RBFOX1: variants seen among roughly 807,000 people sequenced by gnomAD.
RBFOX1 encodes the protein RNA binding fox-1 homolog 1.
RBFOX1 carries 8 observed loss-of-function variants against 57.7 expected under a neutral mutation model. That is an observed-to-expected ratio of 0.14 (90% CI 0.08 to 0.25). RBFOX1 has a LOEUF of 0.25. Ranked by LOEUF, RBFOX1 falls within the 10% of genes least tolerant of loss-of-function variation. The pLI, the probability that RBFOX1 is intolerant of heterozygous loss-of-function variation, is 1.00. For missense variants in RBFOX1, 611 were observed against 548.5 expected (o/e 1.11, Z -1.14); for synonymous variants, 326 against 222.4 (o/e 1.47, Z -4.15).
chr16:7,279,877 A>C (rs149814317), intron 4 of RBFOX1, among the ~76,000 whole-genome samples: 98 of 152,328 alleles, frequency 6.4e-4, no homozygotes, highest in African/African-American at 2.3e-3. Context: ...TGAAGGCTGA[A>C]AGGGAAATTG....
chr16:6,027,154 T>G (rs1218094359), intron 1 of RBFOX1, among the ~76,000 whole-genome samples: 2 of 152,194 alleles, frequency 1.3e-5, no homozygotes, highest in East Asian at 3.9e-4. Context: ...TTGTCTTCTT[T>G]GTACCATGGT....
intron 2 of RBFOX1, among the ~76,000 whole-genome samples, chr16:5,553,247 C>A (rs9921211): frequency 0.38 from 57,148 of 151,624 alleles, 11,472 homozygotes; most frequent in East Asian, 0.73. Flanking sequence ...AAACCTGCAC[C>A]TTGTACACAT....
intron 1 of RBFOX1, among the ~76,000 whole-genome samples, chr16:5,370,621 C>A (rs574787014): frequency 2.0e-5 from 3 of 151,512 alleles, no homozygotes; most frequent in African/African-American, 7.3e-5. Flanking sequence ...GCCTCCTAAG[C>A]AGCTGAGGCC....
intron 3 of RBFOX1, among the ~76,000 whole-genome samples, chr16:5,706,229 T>C (rs1238117610): frequency 2.0e-5 from 3 of 152,184 alleles, no homozygotes; most frequent in African/African-American, 2.4e-5. Flanking sequence ...TTTTTTCCTA[T>C]GATTTTTGTC....
At chr16:7,398,929 A>G (rs906573526) in intron 4 of RBFOX1, among the ~76,000 whole-genome samples, 1 of 152,210 alleles carries the variant, frequency 6.6e-6, no homozygotes, top group African/African-American at 2.4e-5. Flanking sequence ...TGGTAGCTTT[A>G]TAACAATAGA....
Position 6,019,039 on chromosome 16 carries a change from C to T in RBFOX1, c.-1080C>T, listed in dbSNP as rs1031535782. On this transcript the variant is annotated 5_prime_UTR_variant, in exon 1 of 16. Transcript: ENST00000550418. The surrounding 1 kb of genome is among the most constrained non-coding windows in gnomAD (Gnocchi z 4.2). ...CTCGCGCACCAGATTATTTTTGGCT[C>T]CGCAGCCGGGGCTGCTCGCTGCTTG... 12 of 954,464 alleles carry T rather than the reference C, an allele frequency of 1.3e-5. No individual in the cohort carries two copies. Among genetic ancestry groups the T allele is most frequent in the African/African-American group, 1.1e-4 (6 of 56,272 alleles). 59.1% of individuals were successfully genotyped at this position (954,464 alleles called of 1,614,324 possible). A position where few individuals can be genotyped will look rare whatever the true frequency, so the allele number is the denominator to read the frequency against.
intron 4 of RBFOX1, among the ~76,000 whole-genome samples, chr16:7,281,769 C>T (rs1397573527): frequency 2.6e-5 from 4 of 152,100 alleles, no homozygotes; most frequent in African/African-American, 9.7e-5. Context: ...GAGTTTGAAT[C>T]CAGGAGACAA....
intron 3 of RBFOX1, among the ~76,000 whole-genome samples, chr16:6,955,555 C>T (rs1054890588): frequency 1.4e-4 from 21 of 152,136 alleles, no homozygotes; most frequent in African/African-American, 5.1e-4. Flanking sequence ...TTACTCTTCT[C>T]TGTGAACATC....
In RBFOX1 at chr16:5,746,667, T is replaced by C. The variant is rs186194915; in HGVS notation, c.319-120636T>C. Among the ~76,000 whole-genome samples, 111 of 152,304 alleles carry C rather than the reference T, an allele frequency of 7.3e-4. 1 individual carries two copies. The highest frequency in any genetic ancestry group is 2.5e-3 in the African/African-American group (102 of 41,578). On this transcript the variant is annotated intron_variant, in intron 3 of 19. Coordinates refer to the RBFOX1 transcript ENST00000641259. The stretch of plus-strand genomic sequence containing the variant: ...AGAGGTCCTTCACATCCCTTGTAAG[T>C]TGGATTCCTAGATATTTTATTCTCT...
chr16:7,398,894 C>A (rs561497310), intron 4 of RBFOX1, among the ~76,000 whole-genome samples: 6 of 152,274 alleles, frequency 3.9e-5, no homozygotes, highest in African/African-American at 9.6e-5. Flanking sequence ...ATTCATACGG[C>A]TACTGTAACA....
chr16:6,005,166 A>C lies in RBFOX1; in HGVS notation c.351+137831A>C, dbSNP rs186265059. ...GTAATAGATTTGCTGAGAAAGTCAC[A>C]TGACTTCAAATGCGGAAGTTTATAT... On this transcript the variant is annotated intron_variant, in intron 4 of 19. Coordinates refer to the RBFOX1 transcript ENST00000641259. 2.8e-4 allele frequency among the ~76,000 whole-genome samples: 43 copies of C among 152,348 alleles called. 1 individual carries two copies. In the East Asian group the frequency reaches 6.0e-3, roughly 21 times the overall value.
intron 3 of RBFOX1, among the ~76,000 whole-genome samples, chr16:6,730,753 G>C (rs184672390): frequency 6.6e-6 from 1 of 152,192 alleles, no homozygotes; most frequent in Non-Finnish European, 1.5e-5. Flanking sequence ...CGATTATTTA[G>C]TGGGTTAGGA....
intron 6 of RBFOX1, among the ~76,000 whole-genome samples, chr16:7,584,087 A>G (rs6500989): frequency 0.85 from 128,976 of 152,178 alleles, 55,462 homozygotes; most frequent in Middle Eastern, 0.94. Flanking sequence ...CATTCTGAAC[A>G]GGAAGCTGAC....
At chr16:7,168,786 C>A (rs1029419569) in intron 4 of RBFOX1, among the ~76,000 whole-genome samples, 1 of 152,138 alleles carries the variant, frequency 6.6e-6, no homozygotes, top group South Asian at 2.1e-4. Flanking sequence ...CCAAATACAA[C>A]AATTTTGCCA....
chr16:6,333,874 T>C (rs1284193706), intron 2 of RBFOX1, among the ~76,000 whole-genome samples: 1 of 152,188 alleles, frequency 6.6e-6, no homozygotes, highest in Non-Finnish European at 1.5e-5. Flanking sequence ...TACTGTCTCA[T>C]TAGTTGAAGA....
At chr16:6,988,121 C>A (rs1449168997) in intron 3 of RBFOX1, among the ~76,000 whole-genome samples, 2 of 152,208 alleles carry the variant, frequency 1.3e-5, no homozygotes, top group South Asian at 4.2e-4. Flanking sequence ...GCACTGAGAA[C>A]ATAGGAATAC....
rs1555497002 is a variant in RBFOX1, at chr16:5,665,132, G to GGC, written c.318+66172_318+66173insCG. Among the ~76,000 whole-genome samples, 2 of 78,278 alleles carry GGC rather than the reference G, an allele frequency of 2.6e-5. 1 individual carries two copies. Among genetic ancestry groups the GGC allele is most frequent in the African/African-American group, 2.0e-4 (2 of 10,036 alleles). The allele number at this position is 78,278 out of a possible 152,430, so 51.4% of individuals were successfully genotyped here. A position where few individuals can be genotyped will look rare whatever the true frequency, so the allele number is the denominator to read the frequency against. ...GGCTAACTTTTTGATATTTTTACAT[G>GGC]GGGGGGGGCGGTCTTGCTATATTGC... is the stretch of plus-strand genomic sequence containing the variant. On this transcript the variant is annotated intron_variant, in intron 3 of 19. Transcript: ENST00000641259.
At chr16:7,480,562 C>T (rs910103383) in intron 4 of RBFOX1, among the ~76,000 whole-genome samples, 14 of 152,158 alleles carry the variant, frequency 9.2e-5, no homozygotes, top group African/African-American at 2.9e-4. Context: ...AGCTGCAAGC[C>T]CTGTCTCCAT....
At chr16:6,491,053 C>G (rs2095621129) in intron 2 of RBFOX1, among the ~76,000 whole-genome samples, 2 of 151,954 alleles carry the variant, frequency 1.3e-5, no homozygotes, top group African/African-American at 4.8e-5. Flanking sequence ...CAGTAAAGTT[C>G]TGTAGATACT....
Sources: gnomAD v4.1 joint callset for allele counts (sites outside exome capture counted in the v4.1 genomes callset) on GRCh38, gnomAD v4.1.1 for gene constraint, Gnocchi (gnomAD v3.1) non-coding constraint, MANE v1.5 for transcripts, NCBI Gene and HGNC (gene_info 2026-07-23, HGNC 2026-07-21) for gene names.